TTLL1: variants seen among roughly 807,000 people sequenced by gnomAD.
TTLL1 encodes polyglutamylase complex subunit TTLL1.
A neutral mutation model predicts 47.8 loss-of-function variants in TTLL1; 33 were observed. That is an observed-to-expected ratio of 0.69 (90% CI 0.52 to 0.92). TTLL1 has a LOEUF of 0.92. TTLL1 is among the 40% of genes least tolerant of loss of function. The pLI is 0.00. For missense variants in TTLL1, 488 were observed against 547.5 expected (o/e 0.89, Z 1.08); for synonymous variants, 225 against 214.1 (o/e 1.05, Z -0.45).
chr22:43,055,022 C>A (rs1926907307), intron 8 of TTLL1, among the ~76,000 whole-genome samples: 1 of 150,184 alleles, frequency 6.7e-6, no homozygotes, highest in Non-Finnish European at 1.5e-5. Flanking sequence ...CCGCACCCAG[C>A]CCCTTCTTTT....
chr22:43,040,993 T>G (rs539355802), intron 10 of TTLL1, among the ~76,000 whole-genome samples: 2 of 152,172 alleles, frequency 1.3e-5, no homozygotes. Flanking sequence ...TTGCAGGCTG[T>G]GGCAGGGAGC....
chr22:43,054,432 T>C (rs570939213), intron 8 of TTLL1, among the ~76,000 whole-genome samples: 1 of 151,920 alleles, frequency 6.6e-6, no homozygotes, highest in African/African-American at 2.4e-5. Flanking sequence ...TCTTTTTTTT[T>C]TTTTTTTTTG....
intron 9 of TTLL1, among the ~76,000 whole-genome samples, chr22:43,051,260 A>G (rs5759121): frequency 0.081 from 12,357 of 152,312 alleles, 875 homozygotes; most frequent in East Asian, 0.41. Context: ...CTGAGGTCGC[A>G]CCAGCCAGGC....
At position 43,051,840 on chromosome 22, in the gene TTLL1, G is replaced by A. The variant is rs777946258; in HGVS notation, c.939C>T (p.Asp313=). The part of the protein sequence containing the change: ...DKHCFECYGY[D]IIIDDKLKPW... ...GCTTCAGCTTGTCGTCGATGATGAT[G>A]TCGTAGCCATAGCATTCAAAGCAGT... The change falls in exon 9 of 11, where the codon GAC becomes GAT. Residue 313 remains aspartate (D), a synonymous_variant. Transcript: ENST00000266254. The A allele has an allele frequency of 8.7e-6, 14 of 1,614,046 alleles. No homozygotes were observed. The highest frequency in any genetic ancestry group is 8.3e-5 in the Admixed American group (5 of 59,990).
intron 1 of TTLL1, among the ~76,000 whole-genome samples, chr22:43,080,645 G>A (rs923109981): frequency 1.3e-4 from 20 of 151,858 alleles, no homozygotes; most frequent in Non-Finnish European, 2.5e-4. Flanking sequence ...CACCTGGAAC[G>A]GCCCCTCTGC....
At chr22:43,055,034 G>GT (rs1926908400) in intron 8 of TTLL1, among the ~76,000 whole-genome samples, 1 of 148,318 alleles carries the variant, frequency 6.7e-6, no homozygotes, top group Non-Finnish European at 1.5e-5. Context: ...CCTTCTTTTT[G>GT]TTTTTTGAGA....
rs150448437 is a variant in TTLL1, at chr22:43,068,562, G to A, written c.351C>T (p.Pro117=). Residue 117 remains proline (P), a synonymous_variant, in exon 5 of 11, where the codon CCC becomes CCT. Coordinates refer to ENST00000266254, the MANE Select transcript of TTLL1 (RefSeq NM_012263.5). ...LDFVPVTYML[P]ADYNLFVEEF... ...CCTCTACAAACAGGTTGTAGTCAGC[G>A]GGCAGCATATAGGTGACTGGAACAA... 4.3e-5 allele frequency: 66 copies of A among 1,543,602 alleles called. No individual in the cohort carries two copies. In the African/African-American group the frequency reaches 6.0e-4, roughly 14 times the overall value.
At chr22:43,044,835 C>T (rs947000400) in intron 10 of TTLL1, among the ~76,000 whole-genome samples, 5 of 151,884 alleles carry the variant, frequency 3.3e-5, no homozygotes, top group Non-Finnish European at 1.5e-5. Context: ...GGCAACCTCC[C>T]AGGCCCCATG....
At chr22:43,039,991 A>T in intron 10 of TTLL1, 86 bp from the exon 11 acceptor site, 1 of 1,511,424 alleles carries the variant, frequency 6.6e-7, no homozygotes, top group East Asian at 2.5e-5. Flanking sequence ...GGCAAATATG[A>T]CATCACCCAG....
Position 43,057,131 on chromosome 22 carries a change from A to G in TTLL1, c.891+2253T>C, listed in dbSNP as rs146182314. Among the ~76,000 whole-genome samples the G allele has an allele frequency of 4.6e-3, 695 of 152,162 alleles. 4 individuals are homozygous for G. Among genetic ancestry groups the G allele is most frequent in the African/African-American group, 0.016 (666 of 41,540 alleles). ...CTAAAAATACAAAAATTAGTTGGAC[A>G]TTGTGGCGCAAGCCTGTAATCCCAG... On this transcript the variant is annotated intron_variant, in intron 8 of 10. Coordinates refer to ENST00000266254, the MANE Select transcript of TTLL1 (RefSeq NM_012263.5).
chr22:43,052,079 C>T, intron 8 of TTLL1, 192 bp from the exon 9 acceptor site: 1 of 600,122 alleles, frequency 1.7e-6, no homozygotes, highest in South Asian at 1.8e-5. Flanking sequence ...GCACTTTCCT[C>T]AGCCTGATAG....
intron 1 of TTLL1, 138 bp from the exon 2 acceptor site, chr22:43,080,124 G>C (rs1677147518): frequency 1.3e-5 from 2 of 151,890 alleles, no homozygotes; most frequent in South Asian, 2.1e-4. Flanking sequence ...GTATGATCTC[G>C]GCTCACTGCA....
At chr22:43,043,080 A>ACC (rs1925827272) in intron 10 of TTLL1, among the ~76,000 whole-genome samples, 1 of 151,318 alleles carries the variant, frequency 6.6e-6, no homozygotes, top group Admixed American at 6.6e-5. Flanking sequence ...AGCTGGGATT[A>ACC]CAGGTGCCCA....
chr22:43,047,298 G>A (rs1001488767), intron 9 of TTLL1, among the ~76,000 whole-genome samples: 1 of 152,124 alleles, frequency 6.6e-6, no homozygotes, highest in Non-Finnish European at 1.5e-5. Flanking sequence ...TGCTAAGAGA[G>A]TAATATCTCA....
At chr22:43,056,999 C>T (rs1927061280) in intron 8 of TTLL1, among the ~76,000 whole-genome samples, 2 of 152,038 alleles carry the variant, frequency 1.3e-5, no homozygotes, top group South Asian at 2.1e-4. Flanking sequence ...TGGCCAGGCG[C>T]GGTGGCTCAC....
chr22:43,087,001 C>T (rs2146998566), intron 1 of TTLL1, among the ~76,000 whole-genome samples: 1 of 152,292 alleles, frequency 6.6e-6, no homozygotes, highest in South Asian at 2.1e-4. Context: ...TTGTCTCTCA[C>T]CAACCCTCTT....
intron 1 of TTLL1, among the ~76,000 whole-genome samples, chr22:43,084,635 A>G (rs915145165): frequency 1.1e-4 from 16 of 151,434 alleles, no homozygotes; most frequent in Admixed American, 5.9e-4. Context: ...CCGAGTAGCC[A>G]GGACTACAGG....
At chr22:43,084,739 T>C (rs1272119621) in intron 1 of TTLL1, among the ~76,000 whole-genome samples, 1 of 150,930 alleles carries the variant, frequency 6.6e-6, no homozygotes, top group African/African-American at 2.4e-5. Context: ...CTGACCTTGT[T>C]ATCTGCCCGC....
At chr22:43,056,330 G>A (rs1569422741) in intron 8 of TTLL1, among the ~76,000 whole-genome samples, 1 of 147,272 alleles carries the variant, frequency 6.8e-6, no homozygotes, top group Non-Finnish European at 1.5e-5. Flanking sequence ...CTGCACTCCA[G>A]CCTGGCGACA....
Sources: gnomAD v4.1 joint callset for allele counts (sites outside exome capture counted in the v4.1 genomes callset) on GRCh38, gnomAD v4.1.1 for gene constraint, MANE v1.5 for transcripts, NCBI Gene and HGNC (gene_info 2026-07-23, HGNC 2026-07-21) for gene names.